The following GPC5 variants were observed in gnomAD, a reference collection of about 807,000 sequenced individuals.
GPC5 encodes glypican 5, also known as glypican-5.
In GPC5, 47 loss-of-function variants were observed where a neutral mutation model predicts 53.9. That is an observed-to-expected ratio of 0.87 (90% confidence interval 0.69 to 1.11). GPC5 has a LOEUF of 1.11. Ranked by LOEUF, GPC5 falls within the 50% of genes most tolerant of loss-of-function variation. The pLI is 0.00. For synonymous variants in GPC5, 286 were observed against 263.3 expected, an observed-to-expected ratio of 1.09 and a Z score of -0.84; for missense variants, 748 against 713.1, an observed-to-expected ratio of 1.05 and a Z score of -0.56.
chr13:91,507,096 A>G (rs9589264), intron 2 of GPC5, among the ~76,000 whole-genome samples: 18,617 of 152,046 alleles, frequency 0.12, 1,401 homozygotes, highest in East Asian at 0.21. Context: ...AGAGAATACC[A>G]TAGACTGAGT....
At chr13:91,490,988 A>G (rs1883913640) in intron 2 of GPC5, among the ~76,000 whole-genome samples, 1 of 152,112 alleles carries the variant, frequency 6.6e-6, no homozygotes, top group Non-Finnish European at 1.5e-5. Flanking sequence ...AAATTTCAAA[A>G]TGAAAATCAT....
intron 6 of GPC5, among the ~76,000 whole-genome samples, chr13:92,061,882 A>C (rs1204020669): frequency 1.3e-5 from 2 of 152,014 alleles, no homozygotes; most frequent in Non-Finnish European, 2.9e-5. Flanking sequence ...ATATTTAATA[A>C]GGAAAAAAGT....
chr13:91,614,182 A>G (rs1240122655), intron 2 of GPC5, among the ~76,000 whole-genome samples: 1 of 152,146 alleles, frequency 6.6e-6, no homozygotes, highest in Non-Finnish European at 1.5e-5. Flanking sequence ...AGGAAACATG[A>G]GCCTGGGAAT....
chr13:92,391,700 T>C (rs928787927), intron 7 of GPC5, among the ~76,000 whole-genome samples: 3 of 152,204 alleles, frequency 2.0e-5, no homozygotes, highest in African/African-American at 4.8e-5. Context: ...ACTGCATTTA[T>C]TCATGACCTT....
intron 7 of GPC5, among the ~76,000 whole-genome samples, chr13:92,371,481 T>C (rs1282630866): frequency 6.6e-6 from 1 of 152,090 alleles, no homozygotes; most frequent in Non-Finnish European, 1.5e-5. Flanking sequence ...TAGGGGTGTA[T>C]TAGTCTGTTC....
At chr13:91,554,691 T>G (rs1379454301) in intron 2 of GPC5, among the ~76,000 whole-genome samples, 1 of 152,130 alleles carries the variant, frequency 6.6e-6, no homozygotes. Flanking sequence ...TGCTGGGTCC[T>G]TCTGTAACTT....
intron 7 of GPC5, among the ~76,000 whole-genome samples, chr13:92,672,241 A>C (rs2139207299): frequency 6.6e-6 from 1 of 152,300 alleles, no homozygotes; most frequent in South Asian, 2.1e-4. Context: ...AGCTCAGAAA[A>C]TTATGTATTA....
At chr13:92,325,948 G>A (rs1456940681) in intron 7 of GPC5, among the ~76,000 whole-genome samples, 2 of 151,994 alleles carry the variant, frequency 1.3e-5, no homozygotes, top group African/African-American at 2.4e-5. Flanking sequence ...AAGTGTGTAC[G>A]TATGCTAAAC....
chr13:91,726,922 C>A (rs1050594353), intron 3 of GPC5, among the ~76,000 whole-genome samples: 4 of 152,152 alleles, frequency 2.6e-5, no homozygotes, highest in African/African-American at 9.7e-5. Context: ...TCCTTTAGCT[C>A]GGTATCCAAG....
At chr13:92,642,837 A>G (rs1051137103) in intron 7 of GPC5, among the ~76,000 whole-genome samples, 15 of 152,222 alleles carry the variant, frequency 9.9e-5, no homozygotes, top group African/African-American at 3.6e-4. Context: ...TGCAGTCTGC[A>G]ACAGATGACA....
chr13:91,704,179 TG>T (rs948925468), intron 3 of GPC5, among the ~76,000 whole-genome samples: 1 of 152,222 alleles, frequency 6.6e-6, no homozygotes, highest in African/African-American at 2.4e-5. Flanking sequence ...GTGTCAATGT[TG>T]GGTGCATACA....
chr13:92,838,540 T>A (rs1477865183), intron 7 of GPC5, among the ~76,000 whole-genome samples: 2 of 151,706 alleles, frequency 1.3e-5, no homozygotes, highest in Non-Finnish European at 2.9e-5. Context: ...AAAATAATAT[T>A]ATATCGTGCC....
chr13:91,771,802 A>C (rs1444517329), intron 5 of GPC5, among the ~76,000 whole-genome samples: 2 of 152,252 alleles, frequency 1.3e-5, no homozygotes, highest in Admixed American at 1.3e-4. Context: ...TACAAAATAC[A>C]GAAAGATATG....
At chr13:92,475,344 T>G (rs1301785449) in intron 7 of GPC5, among the ~76,000 whole-genome samples, 6 of 147,516 alleles carry the variant, frequency 4.1e-5, no homozygotes, top group Non-Finnish European at 7.5e-5. Flanking sequence ...GCATGGAATG[T>G]TCTTCCATTT....
intron 5 of GPC5, among the ~76,000 whole-genome samples, chr13:91,810,671 G>T (rs2038296526): frequency 6.6e-6 from 1 of 151,848 alleles, no homozygotes; most frequent in Admixed American, 6.6e-5. Flanking sequence ...TAACTTCAAG[G>T]TCCAATAGTA....
chr13:92,694,600 A>G (rs1403711055), intron 7 of GPC5, among the ~76,000 whole-genome samples: 1 of 152,166 alleles, frequency 6.6e-6, no homozygotes, highest in African/African-American at 2.4e-5. Context: ...ATTTGCAATG[A>G]GAATATTTAC....
intron 7 of GPC5, among the ~76,000 whole-genome samples, chr13:92,417,223 A>C (rs540985487): frequency 6.6e-6 from 1 of 152,268 alleles, no homozygotes; most frequent in African/African-American, 2.4e-5. Flanking sequence ...CCAAAAAATC[A>C]TACTCAGATG....
At chr13:92,408,850 C>T (rs1875917780) in intron 7 of GPC5, among the ~76,000 whole-genome samples, 1 of 151,624 alleles carries the variant, frequency 6.6e-6, no homozygotes, top group Non-Finnish European at 1.5e-5. Flanking sequence ...TTATAAAATC[C>T]CCCTAAGGTA....
chr13:91,833,006 T>C (rs1309482804), intron 5 of GPC5, among the ~76,000 whole-genome samples: 2 of 151,648 alleles, frequency 1.3e-5, no homozygotes, highest in Admixed American at 1.3e-4. Flanking sequence ...GCCAGACTAA[T>C]AAAGAAGAAA....
Sources: allele counts gnomAD v4.1 joint callset (sites outside exome capture counted in the v4.1 genomes callset), GRCh38; gene constraint gnomAD v4.1.1; transcripts MANE v1.5; gene names NCBI Gene and HGNC (gene_info 2026-07-23, HGNC 2026-07-21).